The following BICC1 variants were observed in gnomAD, a reference collection of about 807,000 sequenced individuals.
BICC1 encodes protein bicaudal C homolog 1.
BICC1 carries 43 observed loss-of-function variants against 111.0 expected under a neutral mutation model. That is an observed-to-expected ratio of 0.39 (90% CI 0.30 to 0.50). The LOEUF (loss-of-function observed/expected upper bound fraction) is 0.50. Ranked by LOEUF, BICC1 falls within the 20% of genes least tolerant of loss-of-function variation. The probability of loss-of-function intolerance (pLI) is 0.88; values close to 1 mark genes in which losing one functional copy is unlikely to be tolerated. For missense variants in BICC1, 1,091 were observed against 1,203.2 expected (o/e 0.91, Z 1.38); for synonymous variants, 467 against 434.4 (o/e 1.07, Z -0.93).
chr10:58,694,580 T>G (rs1201210493), intron 2 of BICC1, among the ~76,000 whole-genome samples: 1 of 152,238 alleles, frequency 6.6e-6, no homozygotes, highest in African/African-American at 2.4e-5. Context: ...ACTATCTGTA[T>G]TGACATTTTG....
chr10:58,662,763 A>G (rs1244757060), intron 2 of BICC1, among the ~76,000 whole-genome samples: 1 of 152,222 alleles, frequency 6.6e-6, no homozygotes, highest in African/African-American at 2.4e-5. Context: ...CAAAACTATC[A>G]TGAGATAATA....
At chr10:58,527,841 G>A (rs73296507) in intron 1 of BICC1, among the ~76,000 whole-genome samples, 2 of 152,012 alleles carry the variant, frequency 1.3e-5, no homozygotes, top group African/African-American at 2.4e-5. Context: ...TCAGGCTCGG[G>A]TGGGTTAGAA....
rs1220169374 is a variant in BICC1, at chr10:58,732,395, A to G, written c.307+30252A>G. The stretch of plus-strand genomic sequence containing the variant: ...TGTGTGTATGTATATATATATATAT[A>G]TATATATATATATATATATATATAT... On this transcript the variant is annotated intron_variant, in intron 3 of 20. Transcript: ENST00000373886. 8.2e-3 allele frequency among the ~76,000 whole-genome samples: 6 copies of G among 732 alleles called. 1 individual carries two copies. The highest frequency in any genetic ancestry group is 0.029 in the Admixed American group (1 of 34). The allele number at this position is 732 out of a possible 152,430, so 0.5% of individuals were successfully genotyped here.
intron 3 of BICC1, among the ~76,000 whole-genome samples, chr10:58,784,171 T>C (rs1267682965): frequency 6.6e-6 from 1 of 152,198 alleles, no homozygotes; most frequent in African/African-American, 2.4e-5. Context: ...TTAGATAATT[T>C]ATTTGATTAA....
chr10:58,590,036 C>A (rs1008997808), intron 1 of BICC1, among the ~76,000 whole-genome samples: 2 of 152,080 alleles, frequency 1.3e-5, no homozygotes, highest in African/African-American at 4.8e-5. Flanking sequence ...TCTACAATTT[C>A]ATTTATTCAT....
chr10:58,781,257 A>G (rs981924931), intron 3 of BICC1, among the ~76,000 whole-genome samples: 4 of 152,186 alleles, frequency 2.6e-5, no homozygotes, highest in African/African-American at 9.6e-5. Context: ...CCACACACAC[A>G]GTCACCTAGG....
chr10:58,567,018 T>G (rs940339511), intron 1 of BICC1, among the ~76,000 whole-genome samples: 1 of 152,112 alleles, frequency 6.6e-6, no homozygotes, highest in Non-Finnish European at 1.5e-5. Context: ...TGTAAAAACC[T>G]GAAAACTGAT....
chr10:58,601,173 T>TATATATATAAAA (rs752405472), intron 1 of BICC1, among the ~76,000 whole-genome samples: 1 of 131,090 alleles, frequency 7.6e-6, no homozygotes, highest in African/African-American at 2.8e-5. Context: ...TATATATATC[T>TATATATATAAAA]CCCAATAAAA....
chr10:58,706,980 GT>G (rs1473642129), intron 3 of BICC1, among the ~76,000 whole-genome samples: 2 of 152,202 alleles, frequency 1.3e-5, no homozygotes, highest in African/African-American at 4.8e-5. Flanking sequence ...GTTAAACCAA[GT>G]GATAGGAACT....
chr10:58,734,048 G>A (rs912611746), intron 3 of BICC1, among the ~76,000 whole-genome samples: 1 of 152,276 alleles, frequency 6.6e-6, no homozygotes, highest in African/African-American at 2.4e-5. Flanking sequence ...TTCCATCTGT[G>A]GGAAAAGTCT....
At chr10:58,705,032 G>A (rs1840349785) in intron 3 of BICC1, among the ~76,000 whole-genome samples, 2 of 152,162 alleles carry the variant, frequency 1.3e-5, no homozygotes, top group South Asian at 4.1e-4. Context: ...TGGCCGTATG[G>A]CTCACTTGCT....
chr10:58,516,545 A>G (rs1029983691), intron 1 of BICC1, among the ~76,000 whole-genome samples: 5 of 152,132 alleles, frequency 3.3e-5, no homozygotes, highest in African/African-American at 1.2e-4. Flanking sequence ...ACAACCATGC[A>G]GAGTATCTGA....
At chr10:58,772,323 C>A (rs1842641935) in intron 3 of BICC1, among the ~76,000 whole-genome samples, 1 of 152,088 alleles carries the variant, frequency 6.6e-6, no homozygotes. Flanking sequence ...CAATTAGATT[C>A]AGTTGTGGCT....
chr10:58,808,709 T>TAA (rs1025811491), intron 17 of BICC1, among the ~76,000 whole-genome samples: 1 of 117,846 alleles, frequency 8.5e-6, no homozygotes. Context: ...TAGTGATATT[T>TAA]AAAAAAAATT....
At chr10:58,607,434 T>C (rs1564510273) in intron 1 of BICC1, among the ~76,000 whole-genome samples, 1 of 152,044 alleles carries the variant, frequency 6.6e-6, no homozygotes, top group Non-Finnish European at 1.5e-5. Flanking sequence ...AATTATCCCA[T>C]CCTCCATTCT....
Position 58,798,585 on chromosome 10 carries a change from A to G in BICC1, c.1528+25A>G, listed in dbSNP as rs777526925. On this transcript the variant is annotated intron_variant, in intron 11 of 20. Coordinates refer to ENST00000373886, the MANE Select transcript of BICC1 (RefSeq NM_001080512.3). ...GGTCAGTATCATTTAAGTATATTCC[A>G]AGTTGTGTATTCTTAGGTGTTACCA... 8 of 1,540,216 alleles carry G rather than the reference A, an allele frequency of 5.2e-6. No individual in the cohort carries two copies. The South Asian group carries it at 8.9e-5, about 17-fold the overall frequency.
intron 1 of BICC1, among the ~76,000 whole-genome samples, chr10:58,517,441 A>T (rs1025040661): frequency 5.9e-5 from 9 of 152,218 alleles, no homozygotes; most frequent in African/African-American, 2.2e-4. Context: ...GTGGATTTTT[A>T]AAATGATTTG....
chr10:58,636,760 G>T (rs940662126), intron 2 of BICC1, among the ~76,000 whole-genome samples: 2 of 152,126 alleles, frequency 1.3e-5, no homozygotes, highest in African/African-American at 4.8e-5. Context: ...GAAATCTTGG[G>T]CAAGTCATTT....
chr10:58,602,324 T>A (rs1845066788), intron 1 of BICC1, among the ~76,000 whole-genome samples: 1 of 152,182 alleles, frequency 6.6e-6, no homozygotes, highest in Non-Finnish European at 1.5e-5. Flanking sequence ...GCATCATAAA[T>A]GTACGCACAT....
Sources: gnomAD v4.1 joint callset for allele counts (sites outside exome capture counted in the v4.1 genomes callset) on GRCh38, gnomAD v4.1.1 for gene constraint, MANE v1.5 for transcripts, NCBI Gene and HGNC (gene_info 2026-07-23, HGNC 2026-07-21) for gene names.